Variants in SMURF1 observed in about 807,000 individuals in gnomAD.
SMURF1 encodes the protein E3 ubiquitin-protein ligase SMURF1.
Under a neutral mutation model 98.0 loss-of-function variants are expected in SMURF1, and 44 were observed. That is an observed-to-expected ratio of 0.45 (90% CI 0.35 to 0.58). The LOEUF (loss-of-function observed/expected upper bound fraction) is 0.58. SMURF1 is among the 20% of genes least tolerant of loss of function. SMURF1 has a pLI of 0.00. For missense variants in SMURF1, 687 were observed against 938.4 expected, an observed-to-expected ratio of 0.73 and a Z score of 3.50; for synonymous variants, 396 against 374.9, an observed-to-expected ratio of 1.06 and a Z score of -0.65.
At chr7:99,048,701 C>A (rs986207744) in intron 9 of SMURF1, 1 of 152,210 alleles carries the variant, frequency 6.6e-6, no homozygotes, top group Non-Finnish European at 1.5e-5. Context: ...TCATTGAGAG[C>A]AAAATTTCAG....
intron 1 of SMURF1, among the ~76,000 whole-genome samples, chr7:99,090,516 G>A (rs1796784757): frequency 6.6e-6 from 1 of 152,100 alleles, no homozygotes; most frequent in Non-Finnish European, 1.5e-5. Context: ...AGTGGGAAAG[G>A]GCAGGGCAGG....
At chr7:99,091,324 A>T (rs906959176) in intron 1 of SMURF1, among the ~76,000 whole-genome samples, 2 of 152,234 alleles carry the variant, frequency 1.3e-5, no homozygotes, top group African/African-American at 4.8e-5. Context: ...CTTGAACCAG[A>T]TGTAAGAAAT....
At position 99,040,127 on chromosome 7, in the gene SMURF1, G is replaced by GT. The variant is rs368950324; in HGVS notation, c.1550+250dup. Among the ~76,000 whole-genome samples, 84 of 152,206 alleles carry GT rather than the reference G, an allele frequency of 5.5e-4. 1 individual carries two copies. The East Asian group carries it at 0.012, about 22-fold the overall frequency. On this transcript the variant is annotated intron_variant, in intron 13 of 17. Transcript: ENST00000361368. ...GAGTACTTTTTGCTAGATCTGGTGG[G>GT]TTTTTTTGTATTTTTTTGCAGTAAC...
chr7:99,060,011 T>C (rs531759224), intron 3 of SMURF1, among the ~76,000 whole-genome samples: 4 of 152,294 alleles, frequency 2.6e-5, no homozygotes, highest in South Asian at 4.1e-4. Flanking sequence ...GGCCTTTTTT[T>C]CTGCTAAAAT....
rs572378290 is a variant in SMURF1 at position 99,082,692 on chromosome 7, T to G, written c.56-20855A>C. ...TGTTTTTTCAGGACTGTTTGAGCTA[T>G]TCTAGATCTCTTGCATTTCCAGATA... On this transcript the variant is annotated intron_variant, in intron 1 of 17. Transcript: ENST00000361368. Among the ~76,000 whole-genome samples, 13 of 152,352 alleles carry G rather than the reference T, an allele frequency of 8.5e-5. No individual in the cohort carries two copies. In the South Asian group the frequency reaches 2.3e-3, roughly 27 times the overall value.
chr7:99,078,060 A>G (rs879279707), intron 1 of SMURF1, among the ~76,000 whole-genome samples: 3 of 152,126 alleles, frequency 2.0e-5, no homozygotes, highest in Non-Finnish European at 4.4e-5. Context: ...GCACTTTGGG[A>G]GGCCGAGGCA....
At chr7:99,038,559 A>T in intron 13 of SMURF1, 34 bp from the exon 14 acceptor site, 1 of 1,602,310 alleles carries the variant, frequency 6.2e-7, no homozygotes. Flanking sequence ...GTAGGTTAGA[A>T]CTCTGCCACC....
chr7:99,061,776 G>GA (rs763145904), intron 2 of SMURF1, 23 bp downstream of exon 2: 33 of 1,576,040 alleles, frequency 2.1e-5, no homozygotes, highest in African/African-American at 2.7e-5. Context: ...TTATAAGAGG[G>GA]AAAAAAATAA....
At chr7:99,117,677 C>A (rs1797490104) in intron 1 of SMURF1, among the ~76,000 whole-genome samples, 1 of 151,746 alleles carries the variant, frequency 6.6e-6, no homozygotes, top group Non-Finnish European at 1.5e-5. Context: ...ATAAAGAACT[C>A]CATCATTTAA....
chr7:99,063,273 A>AAGATTTT (rs1307452292), intron 1 of SMURF1, among the ~76,000 whole-genome samples: 14 of 12,858 alleles, frequency 1.1e-3, no homozygotes, highest in Non-Finnish European at 2.3e-4. Flanking sequence ...ATATATATAT[A>AAGATTTT]TATATATATA....
At chr7:99,066,802 AAAG>A (rs1796207104) in intron 1 of SMURF1, among the ~76,000 whole-genome samples, 1 of 151,538 alleles carries the variant, frequency 6.6e-6, no homozygotes, top group African/African-American at 2.4e-5. Flanking sequence ...AAAAAAAAGA[AAAG>A]AAGAAATTTG....
chr7:99,040,507 ACAGC>A lies in SMURF1; in HGVS notation c.1417_1420del (p.Ala473CysfsTer44). On this transcript the variant is annotated frameshift_variant, in exon 13 of 18. Transcript: ENST00000361368. LOFTEE classifies it high-confidence loss of function. Reference sequence around the variant, plus strand: ...CCCGTTGATGTAGTGTCCATGGAACACAGCCAGCCCCATGATCCGCCCCACAAAG... The same window carrying A: ...CCCGTTGATGTAGTGTCCATGGAACACAGCCCCATGATCCGCCCCACAAAG... 1 of 1,561,674 alleles carries A rather than the reference ACAGC, an allele frequency of 6.4e-7. No individual in the cohort carries two copies. The highest frequency in any genetic ancestry group is 8.7e-7 in the Non-Finnish European group (1 of 1,154,256).
chr7:99,088,990 G>C (rs1464833250), intron 1 of SMURF1, among the ~76,000 whole-genome samples: 4 of 152,144 alleles, frequency 2.6e-5, no homozygotes, highest in African/African-American at 9.7e-5. Context: ...CAGATCACAA[G>C]GTCAAGAGAT....
intron 1 of SMURF1, among the ~76,000 whole-genome samples, chr7:99,122,440 T>G (rs560632715): frequency 7.7e-4 from 117 of 151,890 alleles, no homozygotes; most frequent in African/African-American, 2.1e-3. Flanking sequence ...GGTCAGGAGT[T>G]CAAGACCAGC....
rs219812 is a variant in SMURF1, at chr7:99,028,159, G to A, written c.*2425C>T. 23,289 of 152,618 alleles carry A rather than the reference G, an allele frequency of 0.15. 5,613 individuals carry two copies. The highest frequency in any genetic ancestry group is 0.52 in the African/African-American group (21,366 of 41,356). 9.5% of individuals were successfully genotyped at this position (152,618 alleles called of 1,614,324 possible). ...TGGGACCACCGAGAGGGGCAACACA[G>A]ATCACACGTGAGTGGGCTTCGCGCG... On this transcript the variant is annotated 3_prime_UTR_variant, in exon 18 of 18. Coordinates refer to ENST00000361368, the MANE Select transcript of SMURF1 (RefSeq NM_181349.3).
intron 1 of SMURF1, among the ~76,000 whole-genome samples, chr7:99,065,773 C>T (rs926614398): frequency 2.6e-5 from 4 of 151,960 alleles, no homozygotes; most frequent in African/African-American, 4.8e-5. Context: ...CGAGGCTGGG[C>T]GCGGTGGCTT....
Position 99,033,026 on chromosome 7 carries a change from G to A in SMURF1, c.2096+11C>T, listed in dbSNP as rs200513727. ...CCCAGGACGCCGTGACTTCCTGGCC[G>A]CGGTGCTTACCAGGTATGGGCCTTC... On this transcript the variant is annotated intron_variant, in intron 17 of 17. Coordinates refer to ENST00000361368, the MANE Select transcript of SMURF1 (RefSeq NM_181349.3). The A allele has an allele frequency of 2.4e-5, 38 of 1,598,710 alleles. 1 individual carries two copies. The Admixed American group carries it at 2.8e-4, about 12-fold the overall frequency.
intron 10 of SMURF1, among the ~76,000 whole-genome samples, chr7:99,046,975 C>T: frequency 6.6e-6 from 1 of 152,168 alleles, no homozygotes; most frequent in Non-Finnish European, 1.5e-5. Flanking sequence ...AGTGCTGTCA[C>T]CCAGGGAGAA....
At chr7:99,039,238 A>G (rs1270221812) in intron 13 of SMURF1, among the ~76,000 whole-genome samples, 3 of 149,204 alleles carry the variant, frequency 2.0e-5, no homozygotes, top group Non-Finnish European at 3.0e-5. Context: ...CCTCCCTTAG[A>G]GGCAGCCTTC....
Sources: allele counts gnomAD v4.1 joint callset (sites outside exome capture counted in the v4.1 genomes callset), GRCh38; gene constraint gnomAD v4.1.1; transcripts MANE v1.5; gene names NCBI Gene and HGNC (gene_info 2026-07-23, HGNC 2026-07-21).